The following CERK variants were observed in gnomAD, a reference collection of about 807,000 sequenced individuals.
The protein encoded by CERK is ceramide kinase.
CERK carries 39 observed loss-of-function variants against 63.4 expected under a neutral mutation model. The ratio of observed to expected loss-of-function variants is 0.61; its 90% CI spans 0.48 to 0.80. CERK has a LOEUF of 0.80. Among genes scored for constraint, CERK ranks in the 30% least tolerant of loss-of-function variants. The probability of loss-of-function intolerance (pLI) is 0.00; values close to 1 mark genes in which losing one functional copy is unlikely to be tolerated. For missense variants in CERK, 670 were observed against 714.1 expected, an observed-to-expected ratio of 0.94 and a Z score of 0.70; for synonymous variants, 302 against 280.0, an observed-to-expected ratio of 1.08 and a Z score of -0.78.
chr22:46,725,151 T>C (rs1020839080), intron 1 of CERK, among the ~76,000 whole-genome samples: 2 of 152,224 alleles, frequency 1.3e-5, no homozygotes, highest in African/African-American at 4.8e-5. Flanking sequence ...GCCTCCAGCC[T>C]AGCAGCACTT....
In CERK at chr22:46,686,132, GAC is replaced by G. The variant is rs974980241; in HGVS notation, c.*1000_*1001del. 1.3e-5 allele frequency: 2 copies of G among 152,140 alleles called. No individual in the cohort carries two copies. Among genetic ancestry groups the G allele is most frequent in the African/African-American group, 4.8e-5 (2 of 41,422 alleles). 9.4% of individuals were successfully genotyped at this position (152,140 alleles called of 1,614,324 possible). A position where few individuals can be genotyped will look rare whatever the true frequency, so the allele number is the denominator to read the frequency against. On this transcript the variant is annotated 3_prime_UTR_variant, in exon 13 of 13. Coordinates refer to ENST00000216264, the MANE Select transcript of CERK (RefSeq NM_022766.6). Reference sequence around the variant, plus strand: ...GATCCATCGTGGCTTCGAGGCAAAAGACAGACATCCGAGACGCAGTTTACACT... The same window carrying G: ...GATCCATCGTGGCTTCGAGGCAAAAGAGACATCCGAGACGCAGTTTACACT...
At position 46,711,091 on chromosome 22, in the gene CERK, G is replaced by C; in HGVS notation, c.564C>G (p.Tyr188Ter). 6.2e-7 allele frequency: 1 copy of C among 1,612,490 alleles called. No homozygotes were observed. Among genetic ancestry groups the C allele is most frequent in the Admixed American group, 1.7e-5 (1 of 59,920 alleles). ...ATGAAAGACGGCTTACTCACCCGTC[G>C]TATTTGTCTATGTTAATCTCATACA... ...ETLYEINIDK[Y>*]DGIVCVGGDG... is the part of the protein sequence containing the mutation. Residue 188 changes from tyrosine to a stop codon, truncating the protein, a stop_gained, in exon 5 of 13, where the codon TAC (tyrosine) becomes TAG (stop). Coordinates refer to ENST00000216264, the MANE Select transcript of CERK (RefSeq NM_022766.6). LOFTEE classifies it high-confidence loss of function.
chr22:46,705,534 G>A (rs936733387), intron 6 of CERK, among the ~76,000 whole-genome samples: 1 of 152,184 alleles, frequency 6.6e-6, no homozygotes, highest in African/African-American at 2.4e-5. Flanking sequence ...AGCCAGGCAT[G>A]GTGGTACACA....
chr22:46,707,600 G>T (rs1025066235), intron 6 of CERK, among the ~76,000 whole-genome samples: 15 of 152,218 alleles, frequency 9.9e-5, no homozygotes, highest in African/African-American at 3.4e-4. Flanking sequence ...CAGCGGTGGG[G>T]TTCTCCTGCC....
At position 46,720,219 on chromosome 22, in the gene CERK, G is replaced by A; in HGVS notation, c.257-11C>T. 2 of 1,606,816 alleles carry A rather than the reference G, an allele frequency of 1.2e-6. No homozygotes were observed. The highest frequency in any genetic ancestry group is 1.1e-5 in the South Asian group (1 of 90,622). ...TCTTTACACAGTGAACTGCACAGAA[G>A]CAAGCATGCTCGTTAGTGCAAAGTT... On this transcript the variant is annotated splice_polypyrimidine_tract_variant and intron_variant, in intron 2 of 12. Coordinates refer to ENST00000216264, the MANE Select transcript of CERK (RefSeq NM_022766.6).
In CERK at chr22:46,684,942, C is replaced by G. The variant is rs763255491; in HGVS notation, c.*2192G>C. On this transcript the variant is annotated 3_prime_UTR_variant, in exon 13 of 13. Coordinates refer to ENST00000216264, the MANE Select transcript of CERK (RefSeq NM_022766.6). ...TGGCTGGAGAGTATCACCAGAGCCA[C>G]TCAGGAACCAGCCATGCGGAATGGC... 2 of 152,242 alleles carry G rather than the reference C, an allele frequency of 1.3e-5. No homozygotes were observed. The highest frequency in any genetic ancestry group is 2.9e-5 in the Non-Finnish European group (2 of 68,052). The allele number at this position is 152,242 out of a possible 1,614,324, so 9.4% of individuals were successfully genotyped here. A position where few individuals can be genotyped will look rare whatever the true frequency, so the allele number is the denominator to read the frequency against.
In CERK at chr22:46,701,617, G is replaced by A. The variant is rs1418967486; in HGVS notation, c.790+19C>T. 9 of 1,551,268 alleles carry A rather than the reference G, an allele frequency of 5.8e-6. No individual in the cohort carries two copies. Among genetic ancestry groups the A allele is most frequent in the Admixed American group, 3.9e-5 (2 of 51,262 alleles). ...GAGGCCCGGCTGCCACCGTGCGCATGCGCAGAGGAGGGGCTCACCAACAAC... is the reference window on the plus strand; with the variant it reads ...GAGGCCCGGCTGCCACCGTGCGCATACGCAGAGGAGGGGCTCACCAACAAC... On this transcript the variant is annotated intron_variant, in intron 7 of 12. Transcript: ENST00000216264.
rs1338963941 is a variant in CERK, at chr22:46,716,892, G to A, written c.379+3194C>T. Reference sequence around the variant, plus strand: ...AGAGGTTGCAGTGAGCCAGGATCGCGCAACTGCCCTCCAGCCTGGGCAACA... The same window carrying A: ...AGAGGTTGCAGTGAGCCAGGATCGCACAACTGCCCTCCAGCCTGGGCAACA... On this transcript the variant is annotated intron_variant, in intron 3 of 12. Coordinates refer to ENST00000216264, the MANE Select transcript of CERK (RefSeq NM_022766.6). 2.0e-5 allele frequency among the ~76,000 whole-genome samples: 3 copies of A among 151,630 alleles called. No individual in the cohort carries two copies. In the East Asian group the frequency reaches 5.8e-4, roughly 29 times the overall value.
intron 8 of CERK, 45 bp downstream of exon 8, chr22:46,699,268 C>A (rs757412548): frequency 3.1e-6 from 5 of 1,598,814 alleles, no homozygotes; most frequent in Non-Finnish European, 3.4e-6. Context: ...TGAAGGCAGT[C>A]GGGGCACGAC....
At chr22:46,702,252 T>TGC (rs2082790157) in intron 6 of CERK, among the ~76,000 whole-genome samples, 1 of 142,704 alleles carries the variant, frequency 7.0e-6, no homozygotes, top group Non-Finnish European at 1.5e-5. Flanking sequence ...TGTGTGTGTG[T>TGC]GTGTGTGTGT....
chr22:46,702,799 G>A (rs1268594317), intron 6 of CERK, among the ~76,000 whole-genome samples: 3 of 152,218 alleles, frequency 2.0e-5, no homozygotes, highest in East Asian at 1.9e-4. Flanking sequence ...CCGGCTGATC[G>A]CACGGCCTTC....
At chr22:46,737,315 AAAC>A (rs2082979443) in intron 1 of CERK, among the ~76,000 whole-genome samples, 1 of 147,810 alleles carries the variant, frequency 6.8e-6, no homozygotes, top group Non-Finnish European at 1.5e-5. Flanking sequence ...AACAAAAAAC[AAAC>A]AAAAAACAAC....
chr22:46,715,340 A>G (rs1007745440), intron 3 of CERK, among the ~76,000 whole-genome samples: 7 of 152,362 alleles, frequency 4.6e-5, no homozygotes, highest in African/African-American at 1.7e-4. Flanking sequence ...GTGTTTGACA[A>G]AAATCTAAAA....
Position 46,691,553 on chromosome 22 carries a change from G to A in CERK, c.1332+19C>T. 1 of 1,603,508 alleles carries A rather than the reference G, an allele frequency of 6.2e-7. No individual in the cohort carries two copies. The highest frequency in any genetic ancestry group is 8.5e-7 in the Non-Finnish European group (1 of 1,171,718). ...AATTACTCGCCAGTGGAGGCTCCAT[G>A]CAAGAGCACCCCACTTACCTGGTCC... On this transcript the variant is annotated intron_variant, in intron 11 of 12. Coordinates refer to ENST00000216264, the MANE Select transcript of CERK (RefSeq NM_022766.6).
intron 8 of CERK, 59 bp from the exon 9 acceptor site, chr22:46,695,374 G>T: frequency 9.9e-7 from 1 of 1,008,128 alleles, no homozygotes; most frequent in Non-Finnish European, 1.6e-6. Flanking sequence ...TGGTTAGGAT[G>T]CTGTGCTGGG....
intron 1 of CERK, among the ~76,000 whole-genome samples, chr22:46,728,250 C>T (rs1268273692): frequency 6.6e-6 from 1 of 152,142 alleles, no homozygotes; most frequent in Non-Finnish European, 1.5e-5. Flanking sequence ...TGTCCAAGGG[C>T]TCCAGGGACC....
At chr22:46,705,544 A>T (rs1052553183) in intron 6 of CERK, among the ~76,000 whole-genome samples, 1 of 151,984 alleles carries the variant, frequency 6.6e-6, no homozygotes, top group African/African-American at 2.4e-5. Flanking sequence ...GGTGGTACAC[A>T]CCTGTAGTCT....
intron 3 of CERK, among the ~76,000 whole-genome samples, chr22:46,713,952 T>C (rs149463240): frequency 0.014 from 2,067 of 152,252 alleles, 33 homozygotes; most frequent in Non-Finnish European, 0.02. Context: ...GGCGATATAG[T>C]GAGACTCTGT....
chr22:46,695,861 C>T (rs528416897), intron 8 of CERK, among the ~76,000 whole-genome samples: 187 of 152,336 alleles, frequency 1.2e-3, no homozygotes, highest in Non-Finnish European at 2.6e-3. Context: ...AGCAGCCTGG[C>T]ACCCGGGCTG....
Sources: allele counts gnomAD v4.1 joint callset (sites outside exome capture counted in the v4.1 genomes callset), GRCh38; gene constraint gnomAD v4.1.1; transcripts MANE v1.5; gene names NCBI Gene and HGNC (gene_info 2026-07-23, HGNC 2026-07-21).